TMCC2: variants seen among roughly 807,000 people sequenced by gnomAD.
TMCC2 encodes transmembrane and coiled-coil domain family 2, also known as transmembrane and coiled-coil domains protein 2.
TMCC2 carries 16 observed loss-of-function variants against 49.4 expected under a neutral mutation model. That is an observed-to-expected ratio of 0.32 (90% CI 0.22 to 0.49). The LOEUF is 0.49. TMCC2 is among the 20% of genes least tolerant of loss of function. TMCC2 has a pLI of 0.99. For missense variants in TMCC2, 762 were observed against 989.8 expected (o/e 0.77, Z 3.09); for synonymous variants, 397 against 434.1 (o/e 0.91, Z 1.06).
chr1:205,242,035 CG>C lies in TMCC2; in HGVS notation c.742del (p.Asp248ThrfsTer11). 6.3e-7 allele frequency: 1 copy of C among 1,584,628 alleles called. No homozygotes were observed. On this transcript the variant is annotated frameshift_variant, in exon 2 of 5. Coordinates refer to ENST00000358024, the MANE Select transcript of TMCC2 (RefSeq NM_014858.4). LOFTEE classifies it high-confidence loss of function. Reference sequence around the variant, plus strand: ...TCCTGGCTGAGGAGGCCGAAGGCATCGGGGACAAGGTGAGATGGGCCTTCTG... The same window carrying C: ...TCCTGGCTGAGGAGGCCGAAGGCATCGGGACAAGGTGAGATGGGCCTTCTG... ...YLLAEEAEGI[G>X]DKVDKGDLVA... is the part of the protein sequence containing the mutation.
rs1169764124 is a variant in TMCC2, at chr1:205,228,661, C to G, written c.97C>G (p.Leu33Val). 4 of 1,613,014 alleles carry G rather than the reference C, an allele frequency of 2.5e-6. No individual in the cohort carries two copies. The highest frequency in any genetic ancestry group is 3.4e-6 in the Non-Finnish European group (4 of 1,179,866). The stretch of plus-strand genomic sequence containing the variant: ...CGCTTCCCACCTGCCGGGCGCGGAC[C>G]TCCGGCCTGGGGAGACCACGGGTGC... ...DAASHLPGAD[L>V]RPGETTGANS... The change falls in exon 1 of 5, where the codon CTC becomes GTC. Residue 33 changes from leucine to valine, a missense_variant. Coordinates refer to ENST00000358024, the MANE Select transcript of TMCC2 (RefSeq NM_014858.4).
chr1:205,235,409 C>T (rs760673720), intron 1 of TMCC2, among the ~76,000 whole-genome samples: 1 of 152,174 alleles, frequency 6.6e-6, no homozygotes, highest in Non-Finnish European at 1.5e-5. Flanking sequence ...CTAATTATGT[C>T]TTCACTGCCA....
intron 2 of TMCC2, among the ~76,000 whole-genome samples, chr1:205,262,769 C>T (rs376135209): frequency 2.0e-5 from 3 of 152,248 alleles, no homozygotes; most frequent in South Asian, 2.1e-4. Flanking sequence ...CCTACATCCC[C>T]GTGTCCTTCT....
intron 1 of TMCC2, among the ~76,000 whole-genome samples, chr1:205,237,574 A>G (rs1471703118): frequency 2.0e-5 from 3 of 152,234 alleles, no homozygotes; most frequent in African/African-American, 4.8e-5. Flanking sequence ...AAAAATTAGA[A>G]ACCACTTTTG....
At chr1:205,252,655 GGC>G (rs1660711075) in intron 2 of TMCC2, among the ~76,000 whole-genome samples, 3 of 152,172 alleles carry the variant, frequency 2.0e-5, no homozygotes, top group African/African-American at 7.2e-5. Context: ...AGTCCTCACT[GGC>G]AGATTTTCAC....
chr1:205,263,275 T>A (rs1305905911), intron 2 of TMCC2, among the ~76,000 whole-genome samples: 1 of 151,998 alleles, frequency 6.6e-6, no homozygotes, highest in African/African-American at 2.4e-5. Context: ...CAGAGGTGAT[T>A]TTAAATGCTA....
intron 2 of TMCC2, among the ~76,000 whole-genome samples, chr1:205,255,258 G>C (rs1237184475): frequency 6.6e-6 from 1 of 151,576 alleles, no homozygotes. Flanking sequence ...GGAGCGGGCA[G>C]AGAAGGGGTA....
intron 1 of TMCC2, among the ~76,000 whole-genome samples, chr1:205,232,949 A>C (rs1385379578): frequency 2.0e-5 from 3 of 147,212 alleles, no homozygotes; most frequent in East Asian, 2.0e-4. Context: ...AAAAAAAAAA[A>C]AAAAAAAAAA....
At position 205,241,653 on chromosome 1, in the gene TMCC2, C is replaced by A; in HGVS notation, c.356C>A (p.Ser119Tyr). Residue 119 changes from serine (S) to tyrosine (Y), a missense_variant, in exon 2 of 5, where the codon TCC (serine) becomes TAC (tyrosine). Physicochemically the swap from Ser to Tyr is moderately radical, Grantham distance 144. Transcript: ENST00000358024. The surrounding 1 kb of genome is among the most constrained non-coding windows in gnomAD (Gnocchi z 7.3). ...QQQQGMSDHD[S>Y]PDEKERSPEM... The stretch of plus-strand genomic sequence containing the variant: ...CAGCAGGGTATGTCCGACCATGACT[C>A]CCCAGATGAGAAGGAGCGCTCTCCG... 2 of 1,613,922 alleles carry A rather than the reference C, an allele frequency of 1.2e-6. No homozygotes were observed. Among genetic ancestry groups the A allele is most frequent in the East Asian group, 2.2e-5 (1 of 44,870 alleles).
At chr1:205,265,190 G>A (rs1223399942) in intron 2 of TMCC2, among the ~76,000 whole-genome samples, 3 of 152,102 alleles carry the variant, frequency 2.0e-5, no homozygotes, top group African/African-American at 7.2e-5. Context: ...TGGACGAGGG[G>A]GCCAGGGCTT....
Position 205,228,776 on chromosome 1 carries a change from G to A in TMCC2, c.207+5G>A, listed in dbSNP as rs1322017505. On this transcript the variant is annotated splice_donor_5th_base_variant and intron_variant, in intron 1 of 4. Coordinates refer to ENST00000358024, the MANE Select transcript of TMCC2 (RefSeq NM_014858.4). ...AGCAAGCCTCCTGATTTAAAGGTGA[G>A]CGCAGACCATCCCCCCGGCAAGCCC... 1.9e-6 allele frequency: 3 copies of A among 1,592,810 alleles called. No individual in the cohort carries two copies. The highest frequency in any genetic ancestry group is 2.3e-5 in the East Asian group (1 of 43,888).
intron 2 of TMCC2, among the ~76,000 whole-genome samples, chr1:205,252,478 G>C (rs565039608): frequency 6.6e-6 from 1 of 152,188 alleles, no homozygotes; most frequent in Non-Finnish European, 1.5e-5. Context: ...TTCCCTGGGG[G>C]TTAGCAGAGC....
In TMCC2 at chr1:205,256,170, G is replaced by A. The variant is rs554192791; in HGVS notation, c.748-12780G>A. 62 of 1,427,066 alleles carry A rather than the reference G, an allele frequency of 4.3e-5. No individual in the cohort carries two copies. The South Asian group carries it at 8.5e-4, about 20-fold the overall frequency. The allele number at this position is 1,427,066 out of a possible 1,614,324, so 88.4% of individuals were successfully genotyped here. ...TCAACGTGACGCGTGTCGGCCATCA[G>A]TATTTAAGCCTGGAGTTCCTCACCA... is the stretch of plus-strand genomic sequence containing the variant. On this transcript the variant is annotated intron_variant, in intron 2 of 4. Transcript: ENST00000358024.
chr1:205,250,225 C>T (rs920011995), intron 2 of TMCC2, among the ~76,000 whole-genome samples: 2 of 152,190 alleles, frequency 1.3e-5, no homozygotes, highest in Non-Finnish European at 2.9e-5. Flanking sequence ...TCCCCACTAA[C>T]ACCCACTGAC....
At chr1:205,247,041 A>G (rs1189364233) in intron 2 of TMCC2, among the ~76,000 whole-genome samples, 1 of 152,100 alleles carries the variant, frequency 6.6e-6, no homozygotes, top group African/African-American at 2.4e-5. Flanking sequence ...CGAGACCCAG[A>G]CACTTTGGGT....
chr1:205,259,305 C>CA (rs2307521), intron 2 of TMCC2, among the ~76,000 whole-genome samples: 4 of 151,594 alleles, frequency 2.6e-5, no homozygotes, highest in African/African-American at 7.3e-5. Flanking sequence ...GGGACCCTAA[C>CA]GGGTTCTTTG....
At chr1:205,266,623 AC>A (rs1661351279) in intron 2 of TMCC2, among the ~76,000 whole-genome samples, 1 of 151,516 alleles carries the variant, frequency 6.6e-6, no homozygotes, top group Non-Finnish European at 1.5e-5. Context: ...AAAAAAAAAA[AC>A]CGTTAATTTT....
rs1031599722 is a variant in TMCC2 at position 205,227,989 on chromosome 1, A to G, written c.-576A>G. Among the ~76,000 whole-genome samples, 1 of 149,410 alleles carries G rather than the reference A, an allele frequency of 6.7e-6. No individual in the cohort carries two copies. The highest frequency in any genetic ancestry group is 2.4e-5 in the African/African-American group (1 of 41,116). On this transcript the variant is annotated 5_prime_UTR_variant, in exon 1 of 5. Transcript: ENST00000358024. ...CGGGCCGCGGTCGCGGCTTTGCGGCAGGCTGCGCGTCAGGCGGGGAGCGGG... is the reference window on the plus strand; with the variant it reads ...CGGGCCGCGGTCGCGGCTTTGCGGCGGGCTGCGCGTCAGGCGGGGAGCGGG...
intron 1 of TMCC2, among the ~76,000 whole-genome samples, chr1:205,235,483 G>T (rs1421677047): frequency 2.0e-5 from 3 of 152,148 alleles, no homozygotes; most frequent in African/African-American, 4.8e-5. Flanking sequence ...TAAATTTTGG[G>T]CTGAAGTTTT....
Sources: allele counts gnomAD v4.1 joint callset (sites outside exome capture counted in the v4.1 genomes callset), GRCh38; gene constraint gnomAD v4.1.1; non-coding constraint Gnocchi (gnomAD v3.1); transcripts MANE v1.5; gene names NCBI Gene and HGNC (gene_info 2026-07-23, HGNC 2026-07-21).